The following PCDHGA4 variants were observed in gnomAD, a reference collection of about 807,000 sequenced individuals.
PCDHGA4 encodes the protein protocadherin gamma subfamily A, 4.
A neutral mutation model predicts 54.6 loss-of-function variants in PCDHGA4; 38 were observed. That is an observed-to-expected ratio of 0.70 (90% CI 0.54 to 0.91). The LOEUF is 0.91. PCDHGA4 is among the 40% of genes least tolerant of loss of function. PCDHGA4 has a pLI of 0.00. For missense variants in PCDHGA4, 1,298 were observed against 1,220.9 expected, an observed-to-expected ratio of 1.06 and a Z score of -0.94; for synonymous variants, 511 against 512.9, an observed-to-expected ratio of 1.00 and a Z score of 0.05.
At chr5:141,474,920 C>A (rs1363277892) in intron 1 of PCDHGA4, among the ~76,000 whole-genome samples, 2 of 152,232 alleles carry the variant, frequency 1.3e-5, no homozygotes, top group Admixed American at 6.5e-5. Context: ...TACATCTCAT[C>A]TCTGGCTTAT....
At chr5:141,364,424 C>T (rs1029173533) in intron 1 of PCDHGA4, 1 of 1,613,570 alleles carries the variant, frequency 6.2e-7, no homozygotes, top group Non-Finnish European at 8.5e-7. Context: ...CGGGCAGATC[C>T]GCTACTCGAT....
chr5:141,410,419 TC>T (rs769125626), intron 1 of PCDHGA4: 1 of 1,613,886 alleles, frequency 6.2e-7, no homozygotes, highest in South Asian at 1.1e-5. Flanking sequence ...GACCTGTAGT[TC>T]CCCCCAACTA....
intron 1 of PCDHGA4, chr5:141,374,479 A>T (rs756371683): frequency 1.2e-6 from 2 of 1,611,840 alleles, no homozygotes; most frequent in Non-Finnish European, 1.7e-6. Flanking sequence ...ATACACCCCG[A>T]TTCTTAAAGG....
rs766852982 is a variant in PCDHGA4, at chr5:141,486,907, A to G, written c.2515-7900A>G. ...CCCGGCCTGGTTCCTTATGTCCCCA[A>G]GCACTGCCTCCATCAGTTGGTGCTG... On this transcript the variant is annotated intron_variant, in intron 1 of 3. Coordinates refer to ENST00000571252, the MANE Select transcript of PCDHGA4 (RefSeq NM_018917.4). The surrounding 1 kb of genome is among the most constrained non-coding windows in gnomAD (Gnocchi z 5.0). 6.2e-5 allele frequency: 100 copies of G among 1,614,122 alleles called. No homozygotes were observed. The highest frequency in any genetic ancestry group is 8.0e-5 in the Non-Finnish European group (94 of 1,180,056).
chr5:141,396,811 A>G (rs999771105), intron 1 of PCDHGA4, among the ~76,000 whole-genome samples: 1 of 152,226 alleles, frequency 6.6e-6, no homozygotes, highest in Non-Finnish European at 1.5e-5. Flanking sequence ...GTAGTGTTCT[A>G]CTGTATGGTG....
At position 141,485,225 on chromosome 5, in the gene PCDHGA4, T is replaced by C; in HGVS notation, c.2515-9582T>C. The C allele has an allele frequency of 1.2e-6, 2 of 1,614,156 alleles. No homozygotes were observed. Among genetic ancestry groups the C allele is most frequent in the Non-Finnish European group, 1.7e-6 (2 of 1,180,010 alleles). On this transcript the variant is annotated intron_variant, in intron 1 of 3. Coordinates refer to ENST00000571252, the MANE Select transcript of PCDHGA4 (RefSeq NM_018917.4). The surrounding 1 kb of genome is among the most constrained non-coding windows in gnomAD (Gnocchi z 5.7). Reference sequence around the variant, plus strand: ...AGAAATCTGGCGGTGGGCTACCCTTTTGTTCCTCTTTTACCACCTGGGTTA... The same window carrying C: ...AGAAATCTGGCGGTGGGCTACCCTTCTGTTCCTCTTTTACCACCTGGGTTA...
At chr5:141,397,912 A>G in intron 1 of PCDHGA4, 2 of 686,532 alleles carry the variant, frequency 2.9e-6, no homozygotes, top group Non-Finnish European at 4.8e-6. Flanking sequence ...TTGGCGCTCC[A>G]GATCTCCTCG....
At chr5:141,466,965 C>A (rs1345790988) in intron 1 of PCDHGA4, among the ~76,000 whole-genome samples, 1 of 152,016 alleles carries the variant, frequency 6.6e-6, no homozygotes, top group East Asian at 1.9e-4. Context: ...CAAATATTTT[C>A]TCACAGCTCA....
intron 1 of PCDHGA4, chr5:141,387,968 G>A (rs1169859236): frequency 7.4e-6 from 11 of 1,489,402 alleles, no homozygotes; most frequent in Non-Finnish European, 9.9e-6. Flanking sequence ...TCTGCCCGGC[G>A]CTCTGTGAGC....
At chr5:141,374,551 G>C (rs1314667705) in intron 1 of PCDHGA4, 2 of 1,613,400 alleles carry the variant, frequency 1.2e-6, no homozygotes, top group African/African-American at 2.7e-5. Context: ...CACTAATGGA[G>C]GTCTATGACC....
At position 141,357,344 on chromosome 5, in the gene PCDHGA4, A is replaced by G; in HGVS notation, c.2237A>G (p.Lys746Arg). 6.2e-7 allele frequency: 1 copy of G among 1,614,080 alleles called. No homozygotes were observed. The highest frequency in any genetic ancestry group is 8.5e-7 in the Non-Finnish European group (1 of 1,179,944). The change falls in exon 1 of 4, where the codon AAG (lysine) becomes AGG (arginine). Residue 746 changes from lysine to arginine, a missense_variant. Transcript: ENST00000571252. The part of the protein sequence containing the change: ...LAFVTVLLAL[K>R]LRRWHKSRLL... ...TTTGTCACGGTGCTGCTAGCACTCA[A>G]GCTGAGACGCTGGCACAAGTCACGC...
At chr5:141,413,244 C>T in intron 1 of PCDHGA4, 3 of 1,613,984 alleles carry the variant, frequency 1.9e-6, no homozygotes, top group Non-Finnish European at 2.5e-6. Flanking sequence ...TCTGCCTTTT[C>T]TTCGGGATTC....
intron 1 of PCDHGA4, among the ~76,000 whole-genome samples, chr5:141,482,760 C>CAGCTGTG (rs1363796107): frequency 2.1e-5 from 3 of 141,084 alleles, no homozygotes; most frequent in African/African-American, 5.7e-5. Flanking sequence ...TATGGTATTT[C>CAGCTGTG]ATTATCACTG....
At position 141,357,417 on chromosome 5, in the gene PCDHGA4, C is replaced by A. The variant is rs777789813; in HGVS notation, c.2310C>A (p.His770Gln). Residue 770 changes from histidine to glutamine, a missense_variant, in exon 1 of 4, where the codon CAC becomes CAA. Coordinates refer to ENST00000571252, the MANE Select transcript of PCDHGA4 (RefSeq NM_018917.4). ...GGTTGGCAGGTGTGCCTGCCTCGCA[C>A]TTTGTGGGCGTGGACGGGGTTCGGG... ...GSRLAGVPAS[H>Q]FVGVDGVRAF... is the part of the protein sequence containing the mutation. 5 of 1,614,254 alleles carry A rather than the reference C, an allele frequency of 3.1e-6. No individual in the cohort carries two copies. The South Asian group carries it at 4.4e-5, about 14-fold the overall frequency.
chr5:141,360,825 C>T, intron 1 of PCDHGA4: 1 of 1,613,960 alleles, frequency 6.2e-7, no homozygotes, highest in South Asian at 1.1e-5. Context: ...AAATCCGAAT[C>T]AAAGTCACGG....
At chr5:141,415,288 T>C in intron 1 of PCDHGA4, 6 of 1,614,202 alleles carry the variant, frequency 3.7e-6, no homozygotes, top group Non-Finnish European at 5.1e-6. Flanking sequence ...GGCCGCGGTC[T>C]CCTGCGTCTT....
In PCDHGA4 at chr5:141,356,078, A is replaced by C. The variant is rs779701115; in HGVS notation, c.971A>C (p.Gln324Pro). Residue 324 changes from glutamine to proline, a missense_variant, in exon 1 of 4, where the codon CAG (glutamine) becomes CCG (proline). Coordinates refer to ENST00000571252, the MANE Select transcript of PCDHGA4 (RefSeq NM_018917.4). The part of the protein sequence containing the change: ...KVRDKISQLF[Q>P]LNSLSGDITI... ...AGAGACAAAATATCACAGCTATTTCAGTTGAATTCTCTGAGTGGGGATATA... is the reference window on the plus strand; with the variant it reads ...AGAGACAAAATATCACAGCTATTTCCGTTGAATTCTCTGAGTGGGGATATA... The C allele has an allele frequency of 3.7e-6, 6 of 1,613,924 alleles. No homozygotes were observed. Among genetic ancestry groups the C allele is most frequent in the Non-Finnish European group, 5.1e-6 (6 of 1,179,874 alleles).
chr5:141,397,092 G>A (rs1422724446), intron 1 of PCDHGA4, among the ~76,000 whole-genome samples: 3 of 152,136 alleles, frequency 2.0e-5, no homozygotes, highest in South Asian at 2.1e-4. Flanking sequence ...ATTTCAGATA[G>A]GATAATAATG....
At chr5:141,505,302 G>A (rs1733345360) in intron 2 of PCDHGA4, 91 bp from the exon 3 acceptor site, 1 of 1,592,596 alleles carries the variant, frequency 6.3e-7, no homozygotes, top group Admixed American at 1.7e-5. Flanking sequence ...TAGGGTTAGG[G>A]TACTAGGTTT....
Sources: gnomAD v4.1 joint callset for allele counts (sites outside exome capture counted in the v4.1 genomes callset) on GRCh38, gnomAD v4.1.1 for gene constraint, Gnocchi (gnomAD v3.1) non-coding constraint, MANE v1.5 for transcripts, NCBI Gene and HGNC (gene_info 2026-07-23, HGNC 2026-07-21) for gene names.